Variants in LRRTM4 observed in about 807,000 individuals in gnomAD.
The protein encoded by LRRTM4 is leucine-rich repeat transmembrane neuronal protein 4.
Under a neutral mutation model 47.6 loss-of-function variants are expected in LRRTM4, and 25 were observed. That is an observed-to-expected ratio of 0.53 (90% confidence interval 0.38 to 0.73). LRRTM4 has a LOEUF of 0.73. Ranked by LOEUF, LRRTM4 falls within the 30% of genes least tolerant of loss-of-function variation. The pLI is 0.00. For missense variants in LRRTM4, 638 were observed against 713.4 expected, an observed-to-expected ratio of 0.89 and a Z score of 1.20; for synonymous variants, 311 against 269.5, an observed-to-expected ratio of 1.15 and a Z score of -1.51.
chr2:77,083,822 T>TTTTTTTTTC (rs1558569872), intron 3 of LRRTM4, among the ~76,000 whole-genome samples: 1 of 119,838 alleles, frequency 8.3e-6, no homozygotes, highest in African/African-American at 3.6e-5. Context: ...TTTTTTTTTT[T>TTTTTTTTTC]CAGACGGAGT....
intron 3 of LRRTM4, chr2:76,989,851 A>G (rs1362738095): frequency 6.6e-6 from 1 of 151,862 alleles, no homozygotes; most frequent in African/African-American, 2.4e-5. Flanking sequence ...TATCTCAAAA[A>G]GAAGTGACTA....
intron 3 of LRRTM4, among the ~76,000 whole-genome samples, chr2:77,494,931 C>T (rs564568335): frequency 1.3e-5 from 2 of 152,108 alleles, no homozygotes; most frequent in African/African-American, 4.8e-5. Flanking sequence ...GCCTTCTTTC[C>T]CTCAACGTAA....
At chr2:77,132,272 C>T (rs1671822506) in intron 3 of LRRTM4, among the ~76,000 whole-genome samples, 1 of 152,110 alleles carries the variant, frequency 6.6e-6, no homozygotes, top group South Asian at 2.1e-4. Flanking sequence ...GCTTATTTCA[C>T]TTAGCATACT....
intron 3 of LRRTM4, among the ~76,000 whole-genome samples, chr2:76,842,726 TTTTTG>T (rs1416067716): frequency 1.3e-5 from 2 of 148,962 alleles, no homozygotes; most frequent in African/African-American, 2.6e-5. Flanking sequence ...TAAAAGTTTT[TTTTTG>T]TTTGTTTGTC....
chr2:77,063,015 C>T (rs1289001508), intron 3 of LRRTM4, among the ~76,000 whole-genome samples: 1 of 147,622 alleles, frequency 6.8e-6, no homozygotes, highest in African/African-American at 2.5e-5. Flanking sequence ...AGTGCAGTGG[C>T]ACGATCTCGG....
intron 3 of LRRTM4, among the ~76,000 whole-genome samples, chr2:77,368,899 A>T (rs764779545): frequency 6.6e-6 from 1 of 151,662 alleles, no homozygotes; most frequent in East Asian, 1.9e-4. Context: ...TCTAATTTTA[A>T]TTTCTTTAGG....
intron 3 of LRRTM4, among the ~76,000 whole-genome samples, chr2:76,898,575 AAG>A (rs1673504526): frequency 6.6e-6 from 1 of 150,650 alleles, no homozygotes; most frequent in Non-Finnish European, 1.5e-5. Context: ...AAAAAAAAAA[AAG>A]AGTTAGTACA....
chr2:77,153,858 A>C (rs1672491364), intron 3 of LRRTM4, among the ~76,000 whole-genome samples: 1 of 152,172 alleles, frequency 6.6e-6, no homozygotes, highest in African/African-American at 2.4e-5. Context: ...TTTTGTCCCT[A>C]GTGAAAAAGA....
At chr2:77,349,517 A>G (rs1671684077) in intron 3 of LRRTM4, among the ~76,000 whole-genome samples, 1 of 152,104 alleles carries the variant, frequency 6.6e-6, no homozygotes. Flanking sequence ...TCATATAACT[A>G]TGAAGGTAAC....
rs1457939578 is a variant in LRRTM4, at chr2:77,072,811, A to AAC, written c.1552-323896_1552-323895insGT. Among the ~76,000 whole-genome samples, 518 of 151,368 alleles carry AAC rather than the reference A, an allele frequency of 3.4e-3. 6 individuals are homozygous for AAC. The highest frequency in any genetic ancestry group is 0.012 in the African/African-American group (494 of 41,222). ...GAGACTCCGTCTTCCAAAAAAAAAA[A>AAC]AAAAAAAAAAAACAAAGGCTGCCTT... On this transcript the variant is annotated intron_variant, in intron 3 of 3. Coordinates refer to ENST00000409884, the MANE Select transcript of LRRTM4 (RefSeq NM_001134745.3).
At chr2:76,847,692 T>C (rs376407684) in intron 3 of LRRTM4, among the ~76,000 whole-genome samples, 1 of 151,396 alleles carries the variant, frequency 6.6e-6, no homozygotes, top group East Asian at 1.9e-4. Flanking sequence ...CCATTACTTA[T>C]TTGTAAACAT....
chr2:76,783,786 A>G (rs756580929), intron 3 of LRRTM4, among the ~76,000 whole-genome samples: 37 of 152,184 alleles, frequency 2.4e-4, no homozygotes, highest in Non-Finnish European at 5.9e-5. Context: ...TGCTTATCTG[A>G]GATCAGACAA....
chr2:77,102,602 T>C (rs951603520), intron 3 of LRRTM4, among the ~76,000 whole-genome samples: 2 of 152,182 alleles, frequency 1.3e-5, no homozygotes, highest in Non-Finnish European at 2.9e-5. Flanking sequence ...AATACCATCA[T>C]AGGGCAGGTG....
chr2:76,836,081 A>G lies in LRRTM4; in HGVS notation c.1552-87165T>C, dbSNP rs1217562505. Among the ~76,000 whole-genome samples, 13 of 151,810 alleles carry G rather than the reference A, an allele frequency of 8.6e-5. No homozygotes were observed. In the Admixed American group the frequency reaches 8.6e-4, roughly 10 times the overall value. ...AGAAGTCAAAATAATCAGAATACCA[A>G]TGACTCTCTTCCTTGCCCAGGTTTT... is the stretch of plus-strand genomic sequence containing the variant. On this transcript the variant is annotated intron_variant, in intron 3 of 3. Transcript: ENST00000409884.
chr2:76,817,993 T>C (rs967974684), intron 3 of LRRTM4, among the ~76,000 whole-genome samples: 1 of 151,902 alleles, frequency 6.6e-6, no homozygotes, highest in Non-Finnish European at 1.5e-5. Flanking sequence ...TTTTAAACTA[T>C]GAATGAATAA....
intron 3 of LRRTM4, among the ~76,000 whole-genome samples, chr2:77,253,663 C>T (rs1013922540): frequency 3.3e-5 from 5 of 151,732 alleles, no homozygotes; most frequent in Non-Finnish European, 5.9e-5. Flanking sequence ...TTAAATTGTC[C>T]AACATAAATT....
chr2:76,906,497 T>C (rs991116847), intron 3 of LRRTM4, among the ~76,000 whole-genome samples: 11 of 151,886 alleles, frequency 7.2e-5, no homozygotes, highest in Non-Finnish European at 1.6e-4. Flanking sequence ...CACATAAGAA[T>C]ATTAACTTTA....
rs551311115 is a variant in LRRTM4, at chr2:76,779,213, G to A, written c.1552-30297C>T. Among the ~76,000 whole-genome samples, 7 of 151,936 alleles carry A rather than the reference G, an allele frequency of 4.6e-5. No individual in the cohort carries two copies. In the East Asian group the frequency reaches 1.4e-3, roughly 29 times the overall value. Reference sequence around the variant, plus strand: ...GTCATGTTTGGAATAGGTGTGGTGTGGTGCTGAAAAAAATGTATATTGTGT... The same window carrying A: ...GTCATGTTTGGAATAGGTGTGGTGTAGTGCTGAAAAAAATGTATATTGTGT... On this transcript the variant is annotated intron_variant, in intron 3 of 3. Transcript: ENST00000409884.
chr2:77,521,762 T>C lies in LRRTM4; in HGVS notation c.-91A>G. The C allele has an allele frequency of 1.4e-6, 2 of 1,444,572 alleles. No individual in the cohort carries two copies. The highest frequency in any genetic ancestry group is 1.9e-6 in the Non-Finnish European group (2 of 1,033,024). The allele number at this position is 1,444,572 out of a possible 1,614,324, so 89.5% of individuals were successfully genotyped here. ...AACCACCACCACCTTCATGACACAG[T>C]GCGGCTGTCATTCACACCATTCTGA... On this transcript the variant is annotated 5_prime_UTR_variant, in exon 2 of 4. Transcript: ENST00000409884.
Sources: allele counts gnomAD v4.1 joint callset (sites outside exome capture counted in the v4.1 genomes callset), GRCh38; gene constraint gnomAD v4.1.1; transcripts MANE v1.5; gene names NCBI Gene and HGNC (gene_info 2026-07-23, HGNC 2026-07-21).